MGAT5: variants seen among roughly 807,000 people sequenced by gnomAD.
The protein encoded by MGAT5 is alpha-1,6-mannosylglycoprotein 6-beta-N-acetylglucosaminyltransferase.
A neutral mutation model predicts 94.3 loss-of-function variants in MGAT5; 30 were observed. The observed-to-expected ratio is 0.32, with a 90% confidence interval of 0.24 to 0.43. The LOEUF (loss-of-function observed/expected upper bound fraction) is 0.43. Among genes scored for constraint, MGAT5 ranks in the 20% least tolerant of loss-of-function variants. The pLI, the probability that MGAT5 is intolerant of heterozygous loss-of-function variation, is 1.00. For synonymous variants in MGAT5, 310 were observed against 322.9 expected (o/e 0.96, Z 0.43); for missense variants, 691 against 905.5 (o/e 0.76, Z 3.04).
intron 1 of MGAT5, among the ~76,000 whole-genome samples, chr2:134,216,629 C>T (rs993829611): frequency 9.2e-5 from 14 of 152,208 alleles, no homozygotes; most frequent in Admixed American, 8.5e-4. Flanking sequence ...TGTGTGATGG[C>T]GAAATGTGAT....
chr2:134,365,090 G>A (rs1254027539), intron 10 of MGAT5, among the ~76,000 whole-genome samples: 1 of 152,156 alleles, frequency 6.6e-6, no homozygotes, highest in African/African-American at 2.4e-5. Context: ...GCACCTTTGT[G>A]TCCTGGGAGG....
chr2:134,247,943 G>A (rs35684409), intron 1 of MGAT5, among the ~76,000 whole-genome samples: 2,525 of 152,190 alleles, frequency 0.017, 34 homozygotes, highest in African/African-American at 0.029. Flanking sequence ...AAAGGTTCCC[G>A]GGTATTTTCC....
At chr2:134,409,202 T>C (rs1469644685) in intron 11 of MGAT5, among the ~76,000 whole-genome samples, 1 of 152,228 alleles carries the variant, frequency 6.6e-6, no homozygotes, top group East Asian at 1.9e-4. Flanking sequence ...ACTTACTAAG[T>C]GCCAAGACTT....
chr2:134,299,031 T>C lies in MGAT5; in HGVS notation c.407-18498T>C, dbSNP rs954282492. On this transcript the variant is annotated intron_variant, in intron 2 of 15. Coordinates refer to ENST00000281923, the MANE Select transcript of MGAT5 (RefSeq NM_002410.5). ...ATTCTTACCTAGATCTTCCCAATTG[T>C]ACTTTTCCTTCTTGCCCAAAAACAC... Among the ~76,000 whole-genome samples, 8 of 152,324 alleles carry C rather than the reference T, an allele frequency of 5.3e-5. 2 individuals are homozygous for C. Among genetic ancestry groups the C allele is most frequent in the African/African-American group, 1.9e-4 (8 of 41,568 alleles).
chr2:134,270,572 C>T, intron 2 of MGAT5, 22 bp downstream of exon 2: 1 of 1,612,940 alleles, frequency 6.2e-7, no homozygotes, highest in African/African-American at 1.3e-5. Context: ...AATTCTCTGC[C>T]CTGATATGGA....
chr2:134,262,694 A>G (rs1683413313), intron 1 of MGAT5, among the ~76,000 whole-genome samples: 1 of 152,258 alleles, frequency 6.6e-6, no homozygotes, highest in African/African-American at 2.4e-5. Flanking sequence ...CCAGCGCTTA[A>G]TTAAAATGCA....
intron 14 of MGAT5, 107 bp from the exon 15 acceptor site, chr2:134,441,651 C>T: frequency 6.8e-6 from 9 of 1,330,690 alleles, no homozygotes; most frequent in Non-Finnish European, 9.4e-6. Context: ...CTTCCCCGTC[C>T]CTGTGCTCTC....
chr2:134,366,374 G>A (rs1285385603), intron 10 of MGAT5, among the ~76,000 whole-genome samples: 2 of 152,210 alleles, frequency 1.3e-5, no homozygotes, highest in African/African-American at 4.8e-5. Flanking sequence ...GAGCATAACT[G>A]AATCTTCAAG....
At chr2:134,377,319 G>A (rs896986104) in intron 10 of MGAT5, among the ~76,000 whole-genome samples, 1 of 152,282 alleles carries the variant, frequency 6.6e-6, no homozygotes, top group South Asian at 2.1e-4. Context: ...AGGCCTCATA[G>A]CTGTGGTCTA....
At chr2:134,374,749 T>G (rs1247290521) in intron 10 of MGAT5, among the ~76,000 whole-genome samples, 1 of 152,128 alleles carries the variant, frequency 6.6e-6, no homozygotes, top group Non-Finnish European at 1.5e-5. Context: ...TCCCAGTACT[T>G]TGGAAGGCCG....
rs997884775 is a variant in MGAT5 at position 134,401,578 on chromosome 2, A to C, written c.1381-1410A>C. Among the ~76,000 whole-genome samples the C allele has an allele frequency of 2.0e-5, 3 of 152,302 alleles. No homozygotes were observed. The South Asian group carries it at 6.2e-4, about 32-fold the overall frequency. ...GTTACCAGATACATCTAGCACAAGA[A>C]CCATATCCTAGAACCCTTCAAACTA... On this transcript the variant is annotated intron_variant, in intron 10 of 15. Transcript: ENST00000281923.
chr2:134,245,886 G>A (rs573305344), intron 1 of MGAT5, among the ~76,000 whole-genome samples: 3 of 152,250 alleles, frequency 2.0e-5, no homozygotes, highest in African/African-American at 7.2e-5. Context: ...ATGCACTTCA[G>A]GTGGGTGGCA....
intron 11 of MGAT5, 52 bp from the exon 12 acceptor site, chr2:134,412,817 C>A: frequency 1.3e-6 from 2 of 1,596,350 alleles, no homozygotes; most frequent in South Asian, 2.2e-5. Context: ...CCCGTCCTGC[C>A]TGATGGTCCT....
At chr2:134,348,283 A>G (rs1384270491) in intron 8 of MGAT5, among the ~76,000 whole-genome samples, 3 of 152,200 alleles carry the variant, frequency 2.0e-5, no homozygotes, top group Non-Finnish European at 2.9e-5. Context: ...CACGAGGCCA[A>G]TGACATATCT....
intron 9 of MGAT5, among the ~76,000 whole-genome samples, chr2:134,352,001 A>G (rs945571447): frequency 1.3e-5 from 2 of 152,178 alleles, no homozygotes; most frequent in African/African-American, 4.8e-5. Context: ...GCACCAAGAT[A>G]CCATGCCCCA....
At chr2:134,189,234 C>G (rs1689197705) in intron 1 of MGAT5, among the ~76,000 whole-genome samples, 2 of 152,176 alleles carry the variant, frequency 1.3e-5, no homozygotes, top group South Asian at 4.1e-4. Flanking sequence ...AGCCCTGATC[C>G]TCTAATTGCA....
At chr2:134,183,090 A>G (rs547234088) in intron 1 of MGAT5, among the ~76,000 whole-genome samples, 38 of 152,266 alleles carry the variant, frequency 2.5e-4, no homozygotes, top group South Asian at 6.2e-4. Flanking sequence ...GCACCTGGCC[A>G]TAAGATTAAT....
At chr2:134,358,694 T>G (rs1026443143) in intron 9 of MGAT5, among the ~76,000 whole-genome samples, 1 of 152,214 alleles carries the variant, frequency 6.6e-6, no homozygotes, top group African/African-American at 2.4e-5. Context: ...CCTCAGAGAT[T>G]TATGCAGTTG....
chr2:134,260,383 G>A (rs1455182422), intron 1 of MGAT5, among the ~76,000 whole-genome samples: 8 of 152,190 alleles, frequency 5.3e-5, no homozygotes, highest in East Asian at 3.8e-4. Flanking sequence ...TTGGACTTCC[G>A]ATTGGCCCTC....
Sources: gnomAD v4.1 joint callset for allele counts (sites outside exome capture counted in the v4.1 genomes callset) on GRCh38, gnomAD v4.1.1 for gene constraint, MANE v1.5 for transcripts, NCBI Gene and HGNC (gene_info 2026-07-23, HGNC 2026-07-21) for gene names.